RYR3: variants seen among roughly 807,000 people sequenced by gnomAD.
RYR3 encodes brain ryanodine receptor-calcium release channel.
Under a neutral mutation model 584.3 loss-of-function variants are expected in RYR3, and 207 were observed. The ratio of observed to expected loss-of-function variants is 0.35; its 90% CI spans 0.32 to 0.40. The LOEUF (loss-of-function observed/expected upper bound fraction) is 0.40. Among genes scored for constraint, RYR3 ranks in the 10% least tolerant of loss-of-function variants. RYR3 has a pLI of 1.00. For synonymous variants in RYR3, 2,416 were observed against 2,248.5 expected, an observed-to-expected ratio of 1.07 and a Z score of -2.11; for missense variants, 5,616 against 6,089.2, an observed-to-expected ratio of 0.92 and a Z score of 2.59.
At chr15:33,733,652 G>A (rs2069152365) in intron 48 of RYR3, among the ~76,000 whole-genome samples, 1 of 151,942 alleles carries the variant, frequency 6.6e-6, no homozygotes, top group South Asian at 2.1e-4. Flanking sequence ...ACAGTATAAT[G>A]ATGGATGTAT....
rs932758252 is a variant in RYR3, at chr15:33,548,294, T to C, written c.815+90T>C. ...TAAATATTTCATTCATTCCACATCA[T>C]CTGGCAAACTCCTTCAAGTCCTTTG... On this transcript the variant is annotated intron_variant, in intron 9 of 103. Coordinates refer to ENST00000634891, the MANE Select transcript of RYR3 (RefSeq NM_001036.6). 21 of 766,376 alleles carry C rather than the reference T, an allele frequency of 2.7e-5. No homozygotes were observed. The African/African-American group carries it at 3.6e-4, about 13-fold the overall frequency. The allele number at this position is 766,376 out of a possible 1,614,324, so 47.5% of individuals were successfully genotyped here.
chr15:33,689,552 C>A (rs961229254), intron 38 of RYR3, among the ~76,000 whole-genome samples: 2 of 152,162 alleles, frequency 1.3e-5, no homozygotes, highest in African/African-American at 4.8e-5. Context: ...TTCATCAGAT[C>A]ATTTCTGGTA....
At chr15:33,536,448 A>G (rs1363991056) in intron 5 of RYR3, among the ~76,000 whole-genome samples, 3 of 152,198 alleles carry the variant, frequency 2.0e-5, no homozygotes, top group Non-Finnish European at 4.4e-5. Flanking sequence ...CTTAGGAGGA[A>G]AGAAATGTTT....
At chr15:33,437,090 TTGAG>T (rs1450104050) in intron 1 of RYR3, among the ~76,000 whole-genome samples, 2 of 150,770 alleles carry the variant, frequency 1.3e-5, no homozygotes, top group Non-Finnish European at 3.0e-5. Flanking sequence ...TTCCATGTGT[TTGAG>T]TGTGTGTGAG....
chr15:33,617,403 C>T (rs1166296499), intron 19 of RYR3, among the ~76,000 whole-genome samples: 1 of 148,160 alleles, frequency 6.7e-6, no homozygotes, highest in African/African-American at 2.5e-5. Flanking sequence ...CAGAGTGAGA[C>T]TCTGACTCAA....
intron 1 of RYR3, among the ~76,000 whole-genome samples, chr15:33,356,148 G>A (rs1973950321): frequency 1.3e-5 from 2 of 152,114 alleles, no homozygotes; most frequent in Admixed American, 1.3e-4. Flanking sequence ...TGGTTATTTG[G>A]AAAGGAATTT....
At chr15:33,467,395 G>T (rs187363546) in intron 1 of RYR3, 30 of 679,290 alleles carry the variant, frequency 4.4e-5, no homozygotes, top group Non-Finnish European at 5.4e-5. Flanking sequence ...CAGGTGACCC[G>T]TAGAGAAGCG....
intron 49 of RYR3, among the ~76,000 whole-genome samples, chr15:33,737,754 G>A (rs1336161730): frequency 6.6e-6 from 1 of 152,166 alleles, no homozygotes; most frequent in Admixed American, 6.5e-5. Flanking sequence ...CTGCCAGCTG[G>A]ATACTGGCTT....
intron 93 of RYR3, among the ~76,000 whole-genome samples, chr15:33,845,973 C>G (rs1229570594): frequency 1.3e-5 from 2 of 152,230 alleles, no homozygotes; most frequent in African/African-American, 2.4e-5. Flanking sequence ...TTGCAGCCAT[C>G]TGCGAGCTCA....
chr15:33,829,800 A>G (rs924325108), intron 85 of RYR3, among the ~76,000 whole-genome samples: 4 of 152,144 alleles, frequency 2.6e-5, no homozygotes, highest in Admixed American at 1.3e-4. Flanking sequence ...TCAAATATCA[A>G]CATTAACAGG....
intron 3 of RYR3, among the ~76,000 whole-genome samples, chr15:33,512,266 G>A (rs2053100905): frequency 1.3e-5 from 2 of 152,130 alleles, no homozygotes; most frequent in Admixed American, 1.3e-4. Context: ...TGGAATTCAT[G>A]ATAAAAATGG....
At chr15:33,590,088 A>T (rs1167673767) in intron 16 of RYR3, among the ~76,000 whole-genome samples, 1 of 151,750 alleles carries the variant, frequency 6.6e-6, no homozygotes, top group Non-Finnish European at 1.5e-5. Context: ...TCTTGTGGGC[A>T]GGGGCGGGGG....
intron 2 of RYR3, among the ~76,000 whole-genome samples, chr15:33,494,222 A>G (rs1397331925): frequency 1.3e-5 from 2 of 152,244 alleles, no homozygotes; most frequent in Non-Finnish European, 2.9e-5. Flanking sequence ...CCTCCCTTAC[A>G]TAAGAAAAGC....
At chr15:33,456,795 C>A (rs1445778005) in intron 1 of RYR3, among the ~76,000 whole-genome samples, 1 of 152,152 alleles carries the variant, frequency 6.6e-6, no homozygotes, top group African/African-American at 2.4e-5. Context: ...AATCAGAAAT[C>A]ATCAGAGCAA....
At chr15:33,848,056 G>A (rs2078837249) in intron 93 of RYR3, among the ~76,000 whole-genome samples, 3 of 152,136 alleles carry the variant, frequency 2.0e-5, no homozygotes, top group Non-Finnish European at 4.4e-5. Flanking sequence ...ATTAATATTA[G>A]CCATCTAACT....
intron 12 of RYR3, 34 bp downstream of exon 12, chr15:33,566,833 G>A: frequency 6.8e-6 from 11 of 1,612,180 alleles, no homozygotes; most frequent in Non-Finnish European, 9.3e-6. Context: ...TACCTAGTGA[G>A]TTTGACTCTG....
At chr15:33,447,020 C>T (rs1596179536) in intron 1 of RYR3, among the ~76,000 whole-genome samples, 1 of 152,342 alleles carries the variant, frequency 6.6e-6, no homozygotes, top group East Asian at 1.9e-4. Flanking sequence ...CCCTGCACCA[C>T]AGTTCTTTAC....
chr15:33,687,803 G>A (rs1224152295), intron 38 of RYR3, among the ~76,000 whole-genome samples: 5 of 152,202 alleles, frequency 3.3e-5, no homozygotes, highest in Non-Finnish European at 5.9e-5. Flanking sequence ...ACAAAAACAG[G>A]AAATGGGGAA....
At chr15:33,553,965 C>G (rs1054102340) in intron 10 of RYR3, among the ~76,000 whole-genome samples, 3 of 152,192 alleles carry the variant, frequency 2.0e-5, no homozygotes, top group African/African-American at 7.2e-5. Context: ...AGTCTTGGAA[C>G]ATATTTGTTT....
Sources: allele counts gnomAD v4.1 joint callset (sites outside exome capture counted in the v4.1 genomes callset), GRCh38; gene constraint gnomAD v4.1.1; transcripts MANE v1.5; gene names NCBI Gene and HGNC (gene_info 2026-07-23, HGNC 2026-07-21).